The following BCL2L14 variants were observed in gnomAD, a reference collection of about 807,000 sequenced individuals.
The protein encoded by BCL2L14 is BCL2 like 14, also known as apoptosis facilitator Bcl-2-like protein 14.
A neutral mutation model predicts 35.3 loss-of-function variants in BCL2L14; 27 were observed. The ratio of observed to expected loss-of-function variants is 0.76; its 90% CI spans 0.56 to 1.05. The LOEUF (loss-of-function observed/expected upper bound fraction) is 1.05. Among genes scored for constraint, BCL2L14 ranks in the 50% least tolerant of loss-of-function variants. BCL2L14 has a pLI of 0.00. For missense variants in BCL2L14, 377 were observed against 382.6 expected (o/e 0.99, Z 0.12); for synonymous variants, 139 against 145.9 (o/e 0.95, Z 0.34).
At chr12:12,092,872 T>C (rs140850503) in intron 4 of BCL2L14, among the ~76,000 whole-genome samples, 2 of 152,320 alleles carry the variant, frequency 1.3e-5, no homozygotes, top group African/African-American at 4.8e-5. Flanking sequence ...ATATCCCTTT[T>C]AGAAACAATA....
At chr12:12,076,351 T>C (rs1452712779) in intron 1 of BCL2L14, among the ~76,000 whole-genome samples, 1 of 140,314 alleles carries the variant, frequency 7.1e-6, no homozygotes, top group Non-Finnish European at 1.6e-5. Flanking sequence ...GTGAAATGCA[T>C]GTAAGTGAAT....
In BCL2L14 at chr12:12,099,014, C is replaced by G. The variant is rs769254132; in HGVS notation, c.*26C>G. 1 of 1,566,594 alleles carries G rather than the reference C, an allele frequency of 6.4e-7. No individual in the cohort carries two copies. Among genetic ancestry groups the G allele is most frequent in the Non-Finnish European group, 8.8e-7 (1 of 1,136,714 alleles). Reference sequence around the variant, plus strand: ...AATATCAGATTTGTCATCAGGAATACTCTTTGTCTACTGTGGTCCTGTGCA... The same window carrying G: ...AATATCAGATTTGTCATCAGGAATAGTCTTTGTCTACTGTGGTCCTGTGCA... On this transcript the variant is annotated 3_prime_UTR_variant, in exon 6 of 6. Coordinates refer to ENST00000308721, the MANE Select transcript of BCL2L14 (RefSeq NM_138723.2).
chr12:12,077,553 A>G (rs112352126), intron 1 of BCL2L14, among the ~76,000 whole-genome samples: 11 of 151,336 alleles, frequency 7.3e-5, no homozygotes, highest in African/African-American at 1.9e-4. Context: ...AAAAAAAAAA[A>G]AGAGAGCCTG....
At chr12:12,070,930 T>A (rs1948659898), upstream of BCL2L14, 3 of 152,288 alleles carry the variant, frequency 2.0e-5, no homozygotes, top group South Asian at 6.2e-4. Flanking sequence ...TGGTTCTCCT[T>A]CTTTAAGCCT....
chr12:12,088,698 G>A (rs141588427), intron 3 of BCL2L14, among the ~76,000 whole-genome samples: 43 of 152,216 alleles, frequency 2.8e-4, no homozygotes, highest in African/African-American at 1.0e-3. Flanking sequence ...CTCTAACAGT[G>A]AGGCCAAGGT....
chr12:12,074,620 G>A (rs1948739540), intron 1 of BCL2L14, among the ~76,000 whole-genome samples: 1 of 151,818 alleles, frequency 6.6e-6, no homozygotes, highest in Non-Finnish European at 1.5e-5. Flanking sequence ...TGTATTTTTA[G>A]TAGAGACAAA....
upstream of BCL2L14, among the ~76,000 whole-genome samples, chr12:12,068,810 T>C (rs1013229993): frequency 6.6e-6 from 1 of 152,162 alleles, no homozygotes; most frequent in Non-Finnish European, 1.5e-5. Flanking sequence ...AGCAAGGTTA[T>C]TAAGCAAGTT....
chr12:12,094,107 TAAA>T (rs55947114), intron 4 of BCL2L14, among the ~76,000 whole-genome samples: 1 of 142,776 alleles, frequency 7.0e-6, no homozygotes. Context: ...AACCCTGTCT[TAAA>T]AAAAAAAAAA....
intron 1 of BCL2L14, among the ~76,000 whole-genome samples, chr12:12,050,766 A>C (rs1948341047): frequency 6.7e-6 from 1 of 148,992 alleles, no homozygotes; most frequent in Admixed American, 6.7e-5. Flanking sequence ...CACACATAAA[A>C]CACACTAACA....
intron 1 of BCL2L14, among the ~76,000 whole-genome samples, chr12:12,050,574 A>G (rs1391162436): frequency 6.6e-6 from 1 of 151,932 alleles, no homozygotes; most frequent in Non-Finnish European, 1.5e-5. Context: ...TTTAGCCAGA[A>G]GCTTATAGGA....
intron 1 of BCL2L14, among the ~76,000 whole-genome samples, chr12:12,074,057 T>C (rs1023859737): frequency 1.3e-5 from 2 of 152,178 alleles, no homozygotes; most frequent in Non-Finnish European, 2.9e-5. Flanking sequence ...AAATAACAAA[T>C]ATAAGTGTCT....
chr12:12,055,272 T>C (rs991369235), intron 2 of BCL2L14: 1 of 152,134 alleles, frequency 6.6e-6, no homozygotes, highest in Non-Finnish European at 1.5e-5. Context: ...AGCCAGCAAT[T>C]CTCCAACTCA....
intron 5 of BCL2L14, chr12:12,096,280 T>G: frequency 1.6e-6 from 1 of 635,398 alleles, no homozygotes; most frequent in Non-Finnish European, 2.0e-6. Context: ...AGGCTAGCTC[T>G]CAAAAATCTG....
rs1450453913 is a variant in BCL2L14 at position 12,079,695 on chromosome 12, G to A, written c.390G>A (p.Trp130Ter). Residue 130 changes from tryptophan to a stop codon, truncating the protein, a stop_gained, in exon 2 of 6, where the codon TGG becomes TGA. Transcript: ENST00000308721. LOFTEE classifies it high-confidence loss of function. ...ACCAAGATTCGCACAGCCAGCAGTG[G>A]TCCAGGTGTCTTTCTAACGTGGAGC... ...LEYQDSHSQQWSRCLSNVEQC... is the reference protein window; with the variant it reads ...LEYQDSHSQQ 3 of 1,614,100 alleles carry A rather than the reference G, an allele frequency of 1.9e-6. No individual in the cohort carries two copies. In the African/African-American group the frequency reaches 4.0e-5, roughly 22 times the overall value.
At chr12:12,066,429 C>T (rs1948594764), upstream of BCL2L14, among the ~76,000 whole-genome samples, 1 of 152,134 alleles carries the variant, frequency 6.6e-6, no homozygotes, top group South Asian at 2.1e-4. Context: ...GGCAAAAACC[C>T]CAACGTTTTC....
At chr12:12,084,785 C>T (rs1949006582) in intron 2 of BCL2L14, among the ~76,000 whole-genome samples, 1 of 152,052 alleles carries the variant, frequency 6.6e-6, no homozygotes, top group African/African-American at 2.4e-5. Context: ...ACTCCATGTC[C>T]ACAAACCCAC....
At chr12:12,059,134 T>C (rs1019903692) in intron 2 of BCL2L14, among the ~76,000 whole-genome samples, 1 of 152,196 alleles carries the variant, frequency 6.6e-6, no homozygotes, top group African/African-American at 2.4e-5. Flanking sequence ...CTTCCCTTAG[T>C]GTTTAATCAT....
intron 2 of BCL2L14, among the ~76,000 whole-genome samples, chr12:12,065,897 T>C (rs1347447616): frequency 2.6e-5 from 4 of 151,972 alleles, no homozygotes; most frequent in Admixed American, 2.0e-4. Flanking sequence ...GTTCAAGCGT[T>C]CTCCTGCCTC....
rs371624447 is a variant in BCL2L14, at chr12:12,079,613, A to G, written c.308A>G (p.Glu103Gly). The change falls in exon 2 of 6, where the codon GAA (glutamate) becomes GGA (glycine). Residue 103 changes from glutamate to glycine, a missense_variant. Coordinates refer to ENST00000308721, the MANE Select transcript of BCL2L14 (RefSeq NM_138723.2). ...GCATTCTTTGGAGTAGTGGAGAAGG[A>G]AGATTCGCAGAGCACGCCTGCCAAG... The part of the protein sequence containing the change: ...WKAFFGVVEK[E>G]DSQSTPAKVS... 33 of 1,614,204 alleles carry G rather than the reference A, an allele frequency of 2.0e-5. No individual in the cohort carries two copies. The highest frequency in any genetic ancestry group is 2.6e-5 in the Non-Finnish European group (31 of 1,180,046).
Sources: allele counts gnomAD v4.1 joint callset (sites outside exome capture counted in the v4.1 genomes callset), GRCh38; gene constraint gnomAD v4.1.1; transcripts MANE v1.5; gene names NCBI Gene and HGNC (gene_info 2026-07-23, HGNC 2026-07-21).